The following ENAH variants were observed in gnomAD, a reference collection of about 807,000 sequenced individuals.
The protein encoded by ENAH is ENAH actin regulator, also known as protein enabled homolog.
A neutral mutation model predicts 78.7 loss-of-function variants in ENAH; 23 were observed. The ratio of observed to expected loss-of-function variants is 0.29; its 90% CI spans 0.21 to 0.41. ENAH has a LOEUF of 0.41. Ranked by LOEUF, ENAH falls within the 10% of genes least tolerant of loss-of-function variation. The probability of loss-of-function intolerance (pLI) is 1.00; values close to 1 mark genes in which losing one functional copy is unlikely to be tolerated. For missense variants in ENAH, 544 were observed against 691.0 expected (o/e 0.79, Z 2.39); for synonymous variants, 226 against 241.0 (o/e 0.94, Z 0.58).
At chr1:225,589,432 T>A (rs1266761665) in intron 1 of ENAH, among the ~76,000 whole-genome samples, 1 of 152,132 alleles carries the variant, frequency 6.6e-6, no homozygotes, top group Non-Finnish European at 1.5e-5. Context: ...ATAAATAAAT[T>A]ATAGTCAGCC....
upstream of ENAH, among the ~76,000 whole-genome samples, chr1:225,653,690 G>C (rs1485251669): frequency 6.6e-6 from 1 of 152,162 alleles, no homozygotes. This position sits in a 1 kb window ranked among gnomAD's most constrained non-coding sequence, Gnocchi z 4.3. Flanking sequence ...GCCCTCGCGC[G>C]GGGCGAGTGC....
At chr1:225,609,837 A>G (rs1452385598) in intron 1 of ENAH, among the ~76,000 whole-genome samples, 9 of 151,462 alleles carry the variant, frequency 5.9e-5, no homozygotes, top group Non-Finnish European at 2.9e-5. Flanking sequence ...CTAATTTTTT[A>G]TATTTTTAGT....
chr1:225,567,157 T>G (rs1193180888), intron 2 of ENAH, 92 bp downstream of exon 2: 12 of 1,389,574 alleles, frequency 8.6e-6, no homozygotes, highest in Non-Finnish European at 1.1e-5. Context: ...ACTATTTTGA[T>G]TACAGTTTTA....
intron 10 of ENAH, among the ~76,000 whole-genome samples, chr1:225,509,294 G>A (rs536154101): frequency 2.0e-5 from 3 of 152,270 alleles, no homozygotes; most frequent in South Asian, 2.1e-4. Context: ...AACGGTCATC[G>A]GACACTGTCA....
chr1:225,590,191 T>A (rs1417152490), intron 1 of ENAH, among the ~76,000 whole-genome samples: 3 of 149,526 alleles, frequency 2.0e-5, no homozygotes, highest in African/African-American at 7.4e-5. Flanking sequence ...TGTTAAAAAG[T>A]GCCAAACAGG....
chr1:225,636,004 C>G (rs1264123703), intron 1 of ENAH, among the ~76,000 whole-genome samples: 1 of 152,232 alleles, frequency 6.6e-6, no homozygotes, highest in African/African-American at 2.4e-5. Context: ...GAGTTTCCAG[C>G]CTGCCTGTTG....
At chr1:225,520,526 G>A (rs908684305) in intron 4 of ENAH, among the ~76,000 whole-genome samples, 6 of 152,010 alleles carry the variant, frequency 3.9e-5, no homozygotes, top group Non-Finnish European at 5.9e-5. Context: ...ACCATTTCCC[G>A]CTACTGTGAA....
intron 3 of ENAH, among the ~76,000 whole-genome samples, chr1:225,532,828 T>A (rs1575433152): frequency 6.6e-6 from 1 of 152,044 alleles, no homozygotes; most frequent in Admixed American, 6.6e-5. Flanking sequence ...ATAAAAAAAA[T>A]TTACTACAGT....
intron 6 of ENAH, among the ~76,000 whole-genome samples, chr1:225,516,091 ATCT>A (rs1382621674): frequency 2.0e-5 from 3 of 152,206 alleles, no homozygotes; most frequent in Admixed American, 2.0e-4. Flanking sequence ...GTTGCCAAGC[ATCT>A]TCTTATTTAC....
intron 2 of ENAH, among the ~76,000 whole-genome samples, chr1:225,559,579 A>T (rs79819609): frequency 0.043 from 6,551 of 152,280 alleles, 229 homozygotes; most frequent in South Asian, 0.11. Context: ...ATGGCAGCGC[A>T]GAAGCAAGCT....
At chr1:225,535,701 C>A in intron 3 of ENAH, 1 of 286,072 alleles carries the variant, frequency 3.5e-6, no homozygotes, top group Admixed American at 4.8e-5. Context: ...ATCCTGGAAG[C>A]TCTGTAATTT....
intron 3 of ENAH, among the ~76,000 whole-genome samples, chr1:225,536,879 T>C (rs1262731946): frequency 6.6e-6 from 1 of 152,066 alleles, no homozygotes; most frequent in African/African-American, 2.4e-5. Flanking sequence ...ATGCACAATA[T>C]TTATTTACAG....
chr1:225,510,912 C>T (rs1832229), intron 10 of ENAH, among the ~76,000 whole-genome samples: 6,517 of 151,744 alleles, frequency 0.043, 229 homozygotes, highest in South Asian at 0.11. Flanking sequence ...ACTTAGGGGG[C>T]TGGGGGGCTA....
At chr1:225,554,290 G>A (rs1480555826) in intron 3 of ENAH, among the ~76,000 whole-genome samples, 1 of 151,960 alleles carries the variant, frequency 6.6e-6, no homozygotes, top group Non-Finnish European at 1.5e-5. Flanking sequence ...ACAAAACTGA[G>A]CTTATCCTTG....
chr1:225,559,604 C>T (rs1205722915), intron 2 of ENAH, among the ~76,000 whole-genome samples: 1 of 152,130 alleles, frequency 6.6e-6, no homozygotes, highest in Non-Finnish European at 1.5e-5. Context: ...CAAAAACCAC[C>T]ATTACTTTTG....
At chr1:225,569,546 TG>T (rs2096750621) in intron 1 of ENAH, among the ~76,000 whole-genome samples, 1 of 152,240 alleles carries the variant, frequency 6.6e-6, no homozygotes, top group South Asian at 2.1e-4. Context: ...CACCTCATTT[TG>T]TAAACAGGTC....
At chr1:225,516,009 C>T (rs1558735695) in intron 6 of ENAH, among the ~76,000 whole-genome samples, 1 of 152,200 alleles carries the variant, frequency 6.6e-6, no homozygotes, top group Non-Finnish European at 1.5e-5. Flanking sequence ...ACAAGCCTTG[C>T]AATGTTTAAG....
At chr1:225,572,631 CA>C (rs2096769026) in intron 1 of ENAH, among the ~76,000 whole-genome samples, 1 of 152,164 alleles carries the variant, frequency 6.6e-6, no homozygotes, top group South Asian at 2.1e-4. Flanking sequence ...CACTGGTGAA[CA>C]AATACTAGAG....
At chr1:225,520,931 AGGGAGGGAGGGAGGGAGGGAGGGAGGGAG>A (rs1258239094) in intron 4 of ENAH, among the ~76,000 whole-genome samples, 1 of 542 alleles carries the variant, frequency 1.8e-3, no homozygotes, top group African/African-American at 3.2e-3. Flanking sequence ...GAAGGGAGGG[AGGGAGGGAGGGAGGGAGGGAGGGAGGGAG>A]GGAGGGAGGG....
Sources: allele counts gnomAD v4.1 joint callset (sites outside exome capture counted in the v4.1 genomes callset), GRCh38; gene constraint gnomAD v4.1.1; non-coding constraint Gnocchi (gnomAD v3.1); transcripts MANE v1.5; gene names NCBI Gene and HGNC (gene_info 2026-07-23, HGNC 2026-07-21).